Variants in THSD7B observed in about 807,000 individuals in gnomAD.
The protein encoded by THSD7B is thrombospondin type-1 domain-containing protein 7B.
THSD7B carries 138 observed loss-of-function variants against 213.6 expected under a neutral mutation model. The observed-to-expected ratio is 0.65, with a 90% CI of 0.56 to 0.74. The LOEUF is 0.74. THSD7B is among the 30% of genes least tolerant of loss of function. The pLI, the probability that THSD7B is intolerant of heterozygous loss-of-function variation, is 0.00. For missense variants in THSD7B, 1,931 were observed against 1,991.5 expected (o/e 0.97, Z 0.58); for synonymous variants, 742 against 687.0 (o/e 1.08, Z -1.25).
At chr2:137,126,770 T>A (rs887110095) in intron 5 of THSD7B, among the ~76,000 whole-genome samples, 2 of 152,212 alleles carry the variant, frequency 1.3e-5, no homozygotes, top group African/African-American at 4.8e-5. Context: ...CTAAGCTTAA[T>A]CATTTCTAGC....
At chr2:136,927,187 T>G (rs13426591) in intron 2 of THSD7B, among the ~76,000 whole-genome samples, 11,248 of 152,064 alleles carry the variant, frequency 0.074, 674 homozygotes, top group African/African-American at 0.16. Flanking sequence ...GCCAGTTTTT[T>G]TTTTTTGCTT....
intron 27 of THSD7B, 39 bp downstream of exon 27, chr2:137,667,900 T>G: frequency 6.7e-7 from 1 of 1,485,758 alleles, no homozygotes; most frequent in South Asian, 1.2e-5. Flanking sequence ...TTCCGTATTT[T>G]TATGGATTTC....
chr2:136,903,919 C>CGG (rs1558845869), intron 2 of THSD7B, among the ~76,000 whole-genome samples: 50 of 146,920 alleles, frequency 3.4e-4, no homozygotes, highest in Middle Eastern at 3.5e-3. Flanking sequence ...CAGAGTCTTC[C>CGG]TGTGAGGTGT....
intron 1 of THSD7B, among the ~76,000 whole-genome samples, chr2:136,780,224 G>GC (rs1283335376): frequency 6.6e-6 from 1 of 152,124 alleles, no homozygotes; most frequent in Non-Finnish European, 1.5e-5. Flanking sequence ...CAAGAATGGT[G>GC]CCTCATTGCT....
intron 15 of THSD7B, among the ~76,000 whole-genome samples, chr2:137,517,398 C>A (rs1680090877): frequency 6.6e-6 from 1 of 152,208 alleles, no homozygotes; most frequent in Non-Finnish European, 1.5e-5. Flanking sequence ...ATAAATCTGA[C>A]TAAAATTCAG....
chr2:137,375,914 A>G (rs529337417), intron 12 of THSD7B, among the ~76,000 whole-genome samples: 1 of 152,362 alleles, frequency 6.6e-6, no homozygotes, highest in East Asian at 1.9e-4. Context: ...CATGCAAAGC[A>G]TGACTACTCA....
intron 7 of THSD7B, among the ~76,000 whole-genome samples, chr2:137,225,993 T>C (rs1681489827): frequency 6.6e-6 from 1 of 151,768 alleles, no homozygotes; most frequent in African/African-American, 2.4e-5. Flanking sequence ...GCTACTTGCT[T>C]TTGAGGACAT....
intron 15 of THSD7B, among the ~76,000 whole-genome samples, chr2:137,558,260 A>G (rs561134542): frequency 6.6e-6 from 1 of 152,208 alleles, no homozygotes; most frequent in Non-Finnish European, 1.5e-5. Context: ...GACACAACAA[A>G]AAAAGAAAAT....
At chr2:136,820,451 A>C (rs917713082) in intron 1 of THSD7B, among the ~76,000 whole-genome samples, 1 of 152,230 alleles carries the variant, frequency 6.6e-6, no homozygotes, top group African/African-American at 2.4e-5. Context: ...TTTTGCCACA[A>C]ATGCAAGGAA....
At chr2:136,858,991 T>C (rs868068368) in intron 1 of THSD7B, among the ~76,000 whole-genome samples, 30 of 152,216 alleles carry the variant, frequency 2.0e-4, no homozygotes, top group African/African-American at 7.2e-4. Context: ...TTCCTGGAAA[T>C]GCTGGTTGGG....
At chr2:136,799,871 A>C (rs1038737199) in intron 1 of THSD7B, among the ~76,000 whole-genome samples, 4 of 152,008 alleles carry the variant, frequency 2.6e-5, no homozygotes, top group African/African-American at 9.7e-5. Flanking sequence ...CTAGATCCCA[A>C]GATGGGTCAC....
At chr2:136,877,840 A>T (rs1683548844) in intron 1 of THSD7B, among the ~76,000 whole-genome samples, 1 of 152,140 alleles carries the variant, frequency 6.6e-6, no homozygotes, top group African/African-American at 2.4e-5. Context: ...GGGGAAAAAA[A>T]AGAAGGCAAA....
At chr2:136,831,597 T>C (rs1682756983) in intron 1 of THSD7B, among the ~76,000 whole-genome samples, 1 of 152,342 alleles carries the variant, frequency 6.6e-6, no homozygotes, top group East Asian at 1.9e-4. Context: ...GGCAAAGACA[T>C]AACTGTTACA....
At chr2:136,965,151 A>C (rs1352419240) in intron 2 of THSD7B, among the ~76,000 whole-genome samples, 1 of 152,188 alleles carries the variant, frequency 6.6e-6, no homozygotes, top group Non-Finnish European at 1.5e-5. Context: ...AAAATCTGAT[A>C]ATCAGTTCTT....
At chr2:137,466,488 T>G (rs538017162) in intron 15 of THSD7B, among the ~76,000 whole-genome samples, 2 of 152,246 alleles carry the variant, frequency 1.3e-5, no homozygotes, top group South Asian at 4.1e-4. Flanking sequence ...TGAGATGGTT[T>G]TTTTTTATGA....
intron 3 of THSD7B, 26 bp downstream of exon 3, chr2:137,057,256 T>A: frequency 6.5e-7 from 1 of 1,540,950 alleles, no homozygotes; most frequent in Non-Finnish European, 8.8e-7. Flanking sequence ...TGCTTGAATT[T>A]GATTCACCTA....
At chr2:137,442,017 T>C (rs572587851) in intron 14 of THSD7B, among the ~76,000 whole-genome samples, 4 of 152,198 alleles carry the variant, frequency 2.6e-5, no homozygotes, top group Middle Eastern at 3.4e-3. Context: ...CTACTTCTTA[T>C]ATTTTTTGAC....
At chr2:137,629,416 G>A (rs1455266036) in intron 20 of THSD7B, among the ~76,000 whole-genome samples, 3 of 152,084 alleles carry the variant, frequency 2.0e-5, no homozygotes, top group Non-Finnish European at 4.4e-5. Context: ...CATAAGTTTA[G>A]TATTAAAAGA....
At chr2:137,274,945 C>G (rs887013794) in intron 11 of THSD7B, among the ~76,000 whole-genome samples, 11 of 151,978 alleles carry the variant, frequency 7.2e-5, no homozygotes, top group African/African-American at 2.4e-4. Context: ...TGAATGAAGT[C>G]AATGATGTTT....
Sources: gnomAD v4.1 joint callset for allele counts (sites outside exome capture counted in the v4.1 genomes callset) on GRCh38, gnomAD v4.1.1 for gene constraint, MANE v1.5 for transcripts, NCBI Gene and HGNC (gene_info 2026-07-23, HGNC 2026-07-21) for gene names.